ATF7IP2: variants seen among roughly 807,000 people sequenced by gnomAD.
The protein encoded by ATF7IP2 is activating transcription factor 7 interacting protein 2.
In ATF7IP2, 42 loss-of-function variants were observed where a neutral mutation model predicts 64.2. That is an observed-to-expected ratio of 0.65 (90% CI 0.51 to 0.85). The LOEUF is 0.85. Among genes scored for constraint, ATF7IP2 ranks in the 40% least tolerant of loss-of-function variants. ATF7IP2 has a pLI of 0.00. For synonymous variants in ATF7IP2, 308 were observed against 272.8 expected (o/e 1.13, Z -1.27); for missense variants, 933 against 784.2 (o/e 1.19, Z -2.27).
intron 6 of ATF7IP2, among the ~76,000 whole-genome samples, chr16:10,435,167 A>G (rs80003408): frequency 6.6e-6 from 1 of 152,162 alleles, no homozygotes; most frequent in East Asian, 1.9e-4. Flanking sequence ...CCATATCTAG[A>G]TGTTTACCTT....
intron 1 of ATF7IP2, among the ~76,000 whole-genome samples, chr16:10,401,725 A>T (rs1466205790): frequency 1.4e-5 from 2 of 147,210 alleles, no homozygotes; most frequent in Non-Finnish European, 3.0e-5. Flanking sequence ...CTGTGAATCC[A>T]TCTGGTTATG....
chr16:10,395,853 A>G (rs2047410415), intron 1 of ATF7IP2, among the ~76,000 whole-genome samples: 1 of 152,180 alleles, frequency 6.6e-6, no homozygotes, highest in Admixed American at 6.5e-5. Flanking sequence ...CTGCTAATTC[A>G]GGAACAAGAT....
chr16:10,457,964 G>A (rs148533089), intron 9 of ATF7IP2, among the ~76,000 whole-genome samples: 6 of 152,122 alleles, frequency 3.9e-5, no homozygotes, highest in East Asian at 1.9e-4. Context: ...TGTCTGCCTC[G>A]GCCTCCCAGA....
intron 6 of ATF7IP2, among the ~76,000 whole-genome samples, chr16:10,435,125 C>G (rs1434620240): frequency 6.6e-6 from 1 of 152,204 alleles, no homozygotes; most frequent in Admixed American, 6.5e-5. Context: ...TTCCTCACTT[C>G]TTATTGCTGT....
intron 2 of ATF7IP2, 48 bp from the exon 3 acceptor site, chr16:10,419,533 A>G (rs991280831): frequency 1.3e-5 from 2 of 153,010 alleles, no homozygotes; most frequent in African/African-American, 4.8e-5. Context: ...CTGCTATCAT[A>G]GCTATCATTA....
chr16:10,406,595 C>T (rs746249300), intron 1 of ATF7IP2, among the ~76,000 whole-genome samples: 2 of 152,098 alleles, frequency 1.3e-5, no homozygotes, highest in Non-Finnish European at 2.9e-5. Context: ...AAGAACACCT[C>T]AGAAATTCGA....
chr16:10,410,702 A>C (rs929515086), intron 1 of ATF7IP2, among the ~76,000 whole-genome samples: 3 of 152,152 alleles, frequency 2.0e-5, no homozygotes, highest in African/African-American at 7.2e-5. Flanking sequence ...TCTCAGAGGA[A>C]CTGAGGCCAC....
intron 10 of ATF7IP2, among the ~76,000 whole-genome samples, chr16:10,472,928 T>G (rs946139092): frequency 6.6e-6 from 1 of 152,144 alleles, no homozygotes; most frequent in Non-Finnish European, 1.5e-5. Flanking sequence ...AATACCCATC[T>G]TGTTTGGCTC....
chr16:10,462,563 A>G (rs1182816090), intron 9 of ATF7IP2, among the ~76,000 whole-genome samples: 1 of 152,016 alleles, frequency 6.6e-6, no homozygotes, highest in Non-Finnish European at 1.5e-5. Flanking sequence ...ATGTTTTAAC[A>G]TTTGTTTTAT....
At chr16:10,443,143 C>G (rs531220759) in intron 8 of ATF7IP2, among the ~76,000 whole-genome samples, 1 of 152,202 alleles carries the variant, frequency 6.6e-6, no homozygotes, top group Admixed American at 6.5e-5. Flanking sequence ...GGGTCCACCA[C>G]AGTACCACAA....
intron 1 of ATF7IP2, among the ~76,000 whole-genome samples, chr16:10,401,287 C>A (rs2047529553): frequency 6.6e-6 from 1 of 152,076 alleles, no homozygotes; most frequent in Admixed American, 6.6e-5. Flanking sequence ...CCTGCCCCAG[C>A]ATCCCGAGTA....
chr16:10,457,622 ATTC>A, intron 9 of ATF7IP2, 93 bp downstream of exon 9: 1 of 903,846 alleles, frequency 1.1e-6, no homozygotes, highest in Non-Finnish European at 1.6e-6. Context: ...AATATTGATT[ATTC>A]TTAACATTCA....
At chr16:10,427,011 C>A (rs923021634) in intron 3 of ATF7IP2, among the ~76,000 whole-genome samples, 2 of 152,030 alleles carry the variant, frequency 1.3e-5, no homozygotes, top group South Asian at 4.2e-4. Context: ...TGCCACCACA[C>A]CCAGCAAATT....
chr16:10,390,970 C>T (rs1195598429), intron 1 of ATF7IP2, among the ~76,000 whole-genome samples: 3 of 152,096 alleles, frequency 2.0e-5, no homozygotes, highest in Non-Finnish European at 4.4e-5. Context: ...TGAAGCCAGC[C>T]TGGGCAGCAT....
At chr16:10,444,616 G>A (rs2048741609) in intron 8 of ATF7IP2, among the ~76,000 whole-genome samples, 1 of 152,184 alleles carries the variant, frequency 6.6e-6, no homozygotes, top group African/African-American at 2.4e-5. Flanking sequence ...GGGGCAGTTT[G>A]AATTCTGAGC....
chr16:10,426,199 A>T (rs984868837), intron 3 of ATF7IP2, among the ~76,000 whole-genome samples: 2 of 152,256 alleles, frequency 1.3e-5, no homozygotes, highest in Non-Finnish European at 2.9e-5. Flanking sequence ...GGACAGTATT[A>T]CCATCTCAAA....
chr16:10,439,658 G>A (rs1427771990), intron 7 of ATF7IP2, among the ~76,000 whole-genome samples: 4 of 146,506 alleles, frequency 2.7e-5, no homozygotes, highest in Admixed American at 6.8e-5. Context: ...TCAGCCTCCC[G>A]AGTAGCTGGG....
chr16:10,414,233 GTTGT>G (rs937209380), intron 1 of ATF7IP2, among the ~76,000 whole-genome samples: 3 of 152,008 alleles, frequency 2.0e-5, no homozygotes, highest in Admixed American at 6.6e-5. Flanking sequence ...CTTAGGTTTG[GTTGT>G]TTAACATAAT....
chr16:10,477,738 A>G (rs1567180166), intron 12 of ATF7IP2, among the ~76,000 whole-genome samples: 1 of 152,172 alleles, frequency 6.6e-6, no homozygotes, highest in Admixed American at 6.5e-5. Context: ...ATGATTGTAT[A>G]TCTAGAAAAC....
Sources: gnomAD v4.1 joint callset for allele counts (sites outside exome capture counted in the v4.1 genomes callset) on GRCh38, gnomAD v4.1.1 for gene constraint, MANE v1.5 for transcripts, NCBI Gene and HGNC (gene_info 2026-07-23, HGNC 2026-07-21) for gene names.